ZFPM1: variants seen among roughly 807,000 people sequenced by gnomAD.
ZFPM1 encodes zinc finger protein ZFPM1.
A neutral mutation model predicts 46.3 loss-of-function variants in ZFPM1; 28 were observed. That is an observed-to-expected ratio of 0.60 (90% CI 0.45 to 0.83). The LOEUF (loss-of-function observed/expected upper bound fraction) is 0.83. ZFPM1 is among the 40% of genes least tolerant of loss of function. The probability of loss-of-function intolerance (pLI) is 0.00; values close to 1 mark genes in which losing one functional copy is unlikely to be tolerated. For synonymous variants in ZFPM1, 957 were observed against 675.9 expected, an observed-to-expected ratio of 1.42 and a Z score of -6.45; for missense variants, 1,878 against 1,432.4, an observed-to-expected ratio of 1.31 and a Z score of -5.02.
chr16:88,521,713 G>A (rs1469034380), intron 4 of ZFPM1, among the ~76,000 whole-genome samples: 1 of 102,886 alleles, frequency 9.7e-6, no homozygotes, highest in African/African-American at 4.1e-5. Flanking sequence ...CCTCTCCCCT[G>A]TGCTGTTCCC....
chr16:88,494,682 G>A (rs146957140), intron 3 of ZFPM1, among the ~76,000 whole-genome samples: 3 of 152,132 alleles, frequency 2.0e-5, no homozygotes, highest in Non-Finnish European at 2.9e-5. Flanking sequence ...GGGCCTGAGT[G>A]GGGGGCGAGG....
chr16:88,461,062 G>C (rs1453018947), intron 1 of ZFPM1, among the ~76,000 whole-genome samples: 2 of 118,948 alleles, frequency 1.7e-5, no homozygotes. Flanking sequence ...GCCCTGGTGA[G>C]GACCCAGGGG....
In ZFPM1 at chr16:88,533,997, C is replaced by T. The variant is rs888833236; in HGVS notation, c.2039C>T (p.Pro680Leu). ...TCCGTGGACGACGCGGAGGACGACC[C>T]CAGCCGCACGCTGTGCGAGGCCTGC... ...GSSVDDAEDD[P>L]SRTLCEACNI... The change falls in exon 10 of 10, where the codon CCC becomes CTC. Residue 680 changes from proline to leucine, a missense_variant. By Grantham distance (98) the Pro-to-Leu change is moderately conservative (BLOSUM62 -3). Coordinates refer to ENST00000319555, the MANE Select transcript of ZFPM1 (RefSeq NM_153813.3). 5.2e-5 allele frequency: 71 copies of T among 1,374,412 alleles called. No homozygotes were observed. Among genetic ancestry groups the T allele is most frequent in the Non-Finnish European group, 6.3e-5 (66 of 1,048,572 alleles). The allele number at this position is 1,374,412 out of a possible 1,614,324, so 85.1% of individuals were successfully genotyped here.
chr16:88,492,051 C>T (rs927484882), intron 3 of ZFPM1, among the ~76,000 whole-genome samples: 1 of 152,148 alleles, frequency 6.6e-6, no homozygotes, highest in Non-Finnish European at 1.5e-5. Context: ...TGTCTCCAGA[C>T]CCTCTCTCTG....
chr16:88,501,593 CT>C, intron 3 of ZFPM1, among the ~76,000 whole-genome samples: 1 of 139,784 alleles, frequency 7.2e-6, no homozygotes, highest in African/African-American at 2.7e-5. Flanking sequence ...GGTGCATGGG[CT>C]CTCCCGCAGG....
upstream of ZFPM1, among the ~76,000 whole-genome samples, chr16:88,452,720 G>A (rs1016986995): frequency 6.6e-6 from 1 of 152,278 alleles, no homozygotes; most frequent in African/African-American, 2.4e-5. Context: ...GTCTAGGGAG[G>A]GACCAAGGGC....
chr16:88,517,509 T>TGGAC (rs1414848423), intron 4 of ZFPM1, among the ~76,000 whole-genome samples: 1 of 146,608 alleles, frequency 6.8e-6, no homozygotes, highest in East Asian at 2.0e-4. Context: ...GATGGATGGA[T>TGGAC]GGATGGATGG....
At chr16:88,511,181 C>T (rs1265931717) in intron 3 of ZFPM1, among the ~76,000 whole-genome samples, 1 of 152,184 alleles carries the variant, frequency 6.6e-6, no homozygotes, top group Non-Finnish European at 1.5e-5. Flanking sequence ...CTGTCGGTGC[C>T]GGTGGGGGTG....
rs1041787563 is a variant in ZFPM1 at position 88,469,857 on chromosome 16, C to T, written c.41-16082C>T. Among the ~76,000 whole-genome samples the T allele has an allele frequency of 4.6e-5, 7 of 152,238 alleles. No homozygotes were observed. The highest frequency in any genetic ancestry group is 7.2e-5 in the African/African-American group (3 of 41,538). On this transcript the variant is annotated intron_variant, in intron 1 of 9. Coordinates refer to ENST00000319555, the MANE Select transcript of ZFPM1 (RefSeq NM_153813.3). This position sits in a 1 kb window ranked among gnomAD's most constrained non-coding sequence, Gnocchi z 4.3. ...CCTTGGCCAGGGCCCCACCCCCTAA[C>T]GTGGGGTGCAGTGCCTCTCACGTGG...
chr16:88,533,431 G>A lies in ZFPM1; in HGVS notation c.1473G>A (p.Ser491=), dbSNP rs763345463. The change falls in exon 10 of 10, where the codon TCG becomes TCA. Residue 491 remains serine (S), a synonymous_variant. Coordinates refer to ENST00000319555, the MANE Select transcript of ZFPM1 (RefSeq NM_153813.3). ...PGPQAPSRTP[S]PRSPAPARVK... is the part of the protein sequence containing the mutation. ...CCCAGGCCCCGTCGCGGACGCCGTCGCCGCGCAGCCCCGCCCCGGCCAGGG... is the reference window on the plus strand; with the variant it reads ...CCCAGGCCCCGTCGCGGACGCCGTCACCGCGCAGCCCCGCCCCGGCCAGGG... 2.9e-5 allele frequency: 43 copies of A among 1,467,472 alleles called. No individual in the cohort carries two copies. In the South Asian group the frequency reaches 5.4e-4, roughly 19 times the overall value. 90.9% of individuals were successfully genotyped at this position (1,467,472 alleles called of 1,614,324 possible).
In ZFPM1 at chr16:88,475,593, C is replaced by G. The variant is rs146670919; in HGVS notation, c.41-10346C>G. Reference sequence around the variant, plus strand: ...AGGCCTGAGAAAGCCCAGGTCCTCTCTCCTGACTGTGAGGACCCCAAGGAC... The same window carrying G: ...AGGCCTGAGAAAGCCCAGGTCCTCTGTCCTGACTGTGAGGACCCCAAGGAC... On this transcript the variant is annotated intron_variant, in intron 1 of 9. Transcript: ENST00000319555. 5.2e-3 allele frequency among the ~76,000 whole-genome samples: 790 copies of G among 152,222 alleles called. 5 individuals are homozygous for G. The highest frequency in any genetic ancestry group is 0.018 in the African/African-American group (748 of 41,538).
intron 1 of ZFPM1, among the ~76,000 whole-genome samples, chr16:88,459,331 C>A (rs1162636546): frequency 6.6e-6 from 1 of 152,206 alleles, no homozygotes; most frequent in Non-Finnish European, 1.5e-5. Flanking sequence ...TCAAAATAGA[C>A]ATGGTCTGCT....
At chr16:88,453,716 C>A (rs1907397204) in intron 1 of ZFPM1, 38 bp downstream of exon 1, 2 of 1,156,668 alleles carry the variant, frequency 1.7e-6, no homozygotes, top group African/African-American at 1.6e-5. Flanking sequence ...TCCGCGCGCC[C>A]GACCCCCGCC....
rs371363529 is a variant in ZFPM1 at position 88,461,189 on chromosome 16, G to A, written c.40+7511G>A. ...CCTGGTGAGGACCGAGGGGCGGGGC[G>A]GGAGGCCTGGTGAGGACCCAGGGGC... On this transcript the variant is annotated intron_variant, in intron 1 of 9. Transcript: ENST00000319555. Among the ~76,000 whole-genome samples, 35 of 127,678 alleles carry A rather than the reference G, an allele frequency of 2.7e-4. 1 individual carries two copies. Among genetic ancestry groups the A allele is most frequent in the East Asian group, 2.4e-3 (10 of 4,244 alleles). The allele number at this position is 127,678 out of a possible 152,430, so 83.8% of individuals were successfully genotyped here. A position where few individuals can be genotyped will look rare whatever the true frequency, so the allele number is the denominator to read the frequency against.
At position 88,529,406 on chromosome 16, in the gene ZFPM1, C is replaced by A. The variant is rs189021533; in HGVS notation, c.712+1168C>A. On this transcript the variant is annotated intron_variant, in intron 6 of 9. Transcript: ENST00000319555. ...GAAGACGGCTTGAAGTAGGTGGAGG[C>A]AGCCAGTGGTTAGGGGCAAAGAGAC... Among the ~76,000 whole-genome samples the A allele has an allele frequency of 2.2e-4, 34 of 152,314 alleles. 1 individual carries two copies. The East Asian group carries it at 6.4e-3, about 29-fold the overall frequency.
In ZFPM1 at chr16:88,528,244, T is replaced by C. The variant is rs113193571; in HGVS notation, c.712+6T>C. 3.2e-5 allele frequency: 51 copies of C among 1,591,922 alleles called. No individual in the cohort carries two copies. Among genetic ancestry groups the C allele is most frequent in the Non-Finnish European group, 4.0e-5 (47 of 1,166,698 alleles). ...TGCCACCGCAGTGATCAACAGTAAG[T>C]GCTGGGCTCTCCGCACCCAGGGCGG... On this transcript the variant is annotated splice_donor_region_variant and intron_variant, in intron 6 of 9. Transcript: ENST00000319555.
In ZFPM1 at chr16:88,535,595, G is replaced by C. The variant is rs1319907936; in HGVS notation, c.*616G>C. 6.6e-6 allele frequency: 1 copy of C among 152,590 alleles called. No individual in the cohort carries two copies. Among genetic ancestry groups the C allele is most frequent in the Non-Finnish European group, 1.5e-5 (1 of 68,294 alleles). 9.5% of individuals were successfully genotyped at this position (152,590 alleles called of 1,614,324 possible). A position where few individuals can be genotyped will look rare whatever the true frequency, so the allele number is the denominator to read the frequency against. On this transcript the variant is annotated 3_prime_UTR_variant, in exon 10 of 10. Transcript: ENST00000319555. The stretch of plus-strand genomic sequence containing the variant: ...GCCCTGGGGAGGATGAAGCCCTGTG[G>C]TGGCCAAGGCTGGGGGAAGAACAGG...
At chr16:88,518,287 G>A (rs983858550) in intron 4 of ZFPM1, among the ~76,000 whole-genome samples, 6 of 152,080 alleles carry the variant, frequency 3.9e-5, no homozygotes, top group Non-Finnish European at 8.8e-5. Flanking sequence ...GTGGATGGAT[G>A]GGAGGATAAC....
intron 3 of ZFPM1, among the ~76,000 whole-genome samples, chr16:88,491,469 G>A (rs1216842081): frequency 1.3e-5 from 2 of 152,238 alleles, no homozygotes; most frequent in Non-Finnish European, 2.9e-5. Flanking sequence ...CGGGGATGCA[G>A]GACGCATCCA....
Sources: allele counts gnomAD v4.1 joint callset (sites outside exome capture counted in the v4.1 genomes callset), GRCh38; gene constraint gnomAD v4.1.1; non-coding constraint Gnocchi (gnomAD v3.1); transcripts MANE v1.5; gene names NCBI Gene and HGNC (gene_info 2026-07-23, HGNC 2026-07-21).